Variants in ARID2 observed in about 807,000 individuals in gnomAD.
ARID2 encodes AT-rich interaction domain 2.
A neutral mutation model predicts 184.6 loss-of-function variants in ARID2; 32 were observed. The ratio of observed to expected loss-of-function variants is 0.17; its 90% confidence interval spans 0.13 to 0.23. The LOEUF (loss-of-function observed/expected upper bound fraction) is 0.23. Ranked by LOEUF, ARID2 falls within the 10% of genes least tolerant of loss-of-function variation. The pLI, the probability that ARID2 is intolerant of heterozygous loss-of-function variation, is 1.00. For synonymous variants in ARID2, 836 were observed against 772.6 expected (o/e 1.08, Z -1.36); for missense variants, 1,696 against 2,197.6 (o/e 0.77, Z 4.56).
At chr12:45,773,506 C>CT in intron 3 of ARID2, among the ~76,000 whole-genome samples, 1 of 151,724 alleles carries the variant, frequency 6.6e-6, no homozygotes, top group Non-Finnish European at 1.5e-5. Context: ...GCTAGATTGT[C>CT]TAAGAAAAAA....
At chr12:45,819,977 C>G (rs186340233) in intron 5 of ARID2, among the ~76,000 whole-genome samples, 1 of 152,062 alleles carries the variant, frequency 6.6e-6, no homozygotes, top group East Asian at 1.9e-4. Context: ...CTCCTGTCCT[C>G]AAGTGATCTG....
chr12:45,734,248 A>T (rs893913617), intron 3 of ARID2, among the ~76,000 whole-genome samples: 4 of 152,182 alleles, frequency 2.6e-5, no homozygotes, highest in African/African-American at 9.7e-5. Flanking sequence ...TCATGCCTGT[A>T]ATCCCAGCTA....
chr12:45,848,948 A>T lies in ARID2; in HGVS notation c.1693A>T (p.Thr565Ser). 1 of 1,612,060 alleles carries T rather than the reference A, an allele frequency of 6.2e-7. No individual in the cohort carries two copies. The change falls in exon 13 of 21, where the codon ACT becomes TCT. Residue 565 changes from threonine (T) to serine (S), a missense_variant. By Grantham distance (58) the Thr-to-Ser change is moderately conservative. Around this residue, in one of 11 missense-constraint regions of ARID2, gnomAD observed 713 missense variants for 824.4 expected, o/e 0.86. Coordinates refer to ENST00000334344, the MANE Select transcript of ARID2 (RefSeq NM_152641.4). ...KLARGGILTSTGFYKCLRTVF... is the reference protein window; with the variant it reads ...KLARGGILTSSGFYKCLRTVF... ...AGCTCGTGGTGGAATCCTAACATCA[A>T]CTGGATTTTATAAATGTCTTAGGTA... is the stretch of plus-strand genomic sequence containing the variant.
At chr12:45,749,046 G>C (rs2137991020) in intron 3 of ARID2, among the ~76,000 whole-genome samples, 1 of 152,292 alleles carries the variant, frequency 6.6e-6, no homozygotes. Context: ...TGTTCTCAAT[G>C]GCATCTAGAA....
At chr12:45,822,157 T>C (rs1340098572) in intron 6 of ARID2, among the ~76,000 whole-genome samples, 1 of 152,174 alleles carries the variant, frequency 6.6e-6, no homozygotes, top group Non-Finnish European at 1.5e-5. Flanking sequence ...TCTTCATTCT[T>C]GCTGCAACTT....
At chr12:45,881,815 G>T in intron 16 of ARID2, 1 of 223,086 alleles carries the variant, frequency 4.5e-6, no homozygotes, top group Non-Finnish European at 8.8e-6. Flanking sequence ...GGGTTCCTGT[G>T]CCCCTTTTTT....
intron 3 of ARID2, among the ~76,000 whole-genome samples, chr12:45,758,021 C>T (rs1941601146): frequency 6.6e-6 from 1 of 152,114 alleles, no homozygotes; most frequent in African/African-American, 2.4e-5. Context: ...TATGAATTCC[C>T]TGTGAAGACA....
chr12:45,770,197 G>A (rs1202990067), intron 3 of ARID2, among the ~76,000 whole-genome samples: 2 of 151,792 alleles, frequency 1.3e-5, no homozygotes, highest in Non-Finnish European at 2.9e-5. Flanking sequence ...AGATTGCAGT[G>A]AGCCGAGATC....
At position 45,902,461 on chromosome 12, in the gene ARID2, CTTT is replaced by C. The variant is rs1360697983; in HGVS notation, c.5364-2472_5364-2470del. 3.3e-5 allele frequency among the ~76,000 whole-genome samples: 5 copies of C among 151,482 alleles called. No individual in the cohort carries two copies. The East Asian group carries it at 9.6e-4, about 29-fold the overall frequency. On this transcript the variant is annotated intron_variant, in intron 20 of 20. Transcript: ENST00000334344. Reference sequence around the variant, plus strand: ...ACTTTTTGAAACTAAAGTCTTTTTTCTTTCTTTGTTAAAATATTCATTGATTGT... The same window carrying C: ...ACTTTTTGAAACTAAAGTCTTTTTTCCTTTGTTAAAATATTCATTGATTGT...
chr12:45,858,485 A>G (rs1943690360), intron 15 of ARID2, among the ~76,000 whole-genome samples: 1 of 152,176 alleles, frequency 6.6e-6, no homozygotes, highest in African/African-American at 2.4e-5. Context: ...AATGGTTTTC[A>G]GATTTATTTT....
Position 45,839,312 on chromosome 12 carries a change from C to CT in ARID2, c.1331-12dup, listed in dbSNP as rs771643370. ...TAATATTATTGACTAATAACTATTG[C>CT]TTTTTATTTATTTTAGACATGTTAG... On this transcript the variant is annotated splice_polypyrimidine_tract_variant and intron_variant, in intron 10 of 20. Transcript: ENST00000334344. 61 of 1,590,476 alleles carry CT rather than the reference C, an allele frequency of 3.8e-5. No individual in the cohort carries two copies. Among genetic ancestry groups the CT allele is most frequent in the Non-Finnish European group, 4.9e-5 (57 of 1,169,672 alleles).
At chr12:45,748,583 T>A (rs1238166142) in intron 3 of ARID2, among the ~76,000 whole-genome samples, 1 of 152,182 alleles carries the variant, frequency 6.6e-6, no homozygotes, top group Non-Finnish European at 1.5e-5. Context: ...TGAAGTTTGC[T>A]GCATCGATCA....
chr12:45,760,081 T>C (rs1941645605), intron 3 of ARID2, among the ~76,000 whole-genome samples: 1 of 152,206 alleles, frequency 6.6e-6, no homozygotes, highest in African/African-American at 2.4e-5. Flanking sequence ...AAGACATGAA[T>C]TTTGTCATTC....
chr12:45,831,111 TTG>T (rs1367721121), intron 6 of ARID2, among the ~76,000 whole-genome samples: 1 of 152,088 alleles, frequency 6.6e-6, no homozygotes, highest in Admixed American at 6.6e-5. Context: ...TTTCCTGCTG[TTG>T]TATGTGTTTT....
chr12:45,864,405 T>C (rs1943801064), intron 16 of ARID2, among the ~76,000 whole-genome samples: 2 of 152,182 alleles, frequency 1.3e-5, no homozygotes, highest in African/African-American at 2.4e-5. Context: ...TGTTTAGAGT[T>C]TGAATTGGAA....
In ARID2 at chr12:45,860,790, C is replaced by CT. The variant is rs775179028; in HGVS notation, c.4774-6dup. 2.6e-6 allele frequency: 4 copies of CT among 1,511,866 alleles called. No individual in the cohort carries two copies. Among genetic ancestry groups the CT allele is most frequent in the South Asian group, 2.9e-5 (2 of 69,192 alleles). 93.7% of individuals were successfully genotyped at this position (1,511,866 alleles called of 1,614,324 possible). ...TCATGTCACAAACTCTGCATTTGTT[C>CT]TTTTTCACAGAACACTCCTATGCCA... On this transcript the variant is annotated splice_polypyrimidine_tract_variant and intron_variant, in intron 15 of 20. Coordinates refer to ENST00000334344, the MANE Select transcript of ARID2 (RefSeq NM_152641.4).
rs1240309675 is a variant in ARID2, at chr12:45,731,268, A to C, written c.238A>C (p.Arg80=). Residue 80 remains arginine, a synonymous_variant, in exon 3 of 21, where the codon AGA becomes CGA. Transcript: ENST00000334344. ...AATTGTTGAAGAGTTCAACTTTCCC[A>C]GAAGTTGTTCTAACGCTGCCTTTGC... The part of the protein sequence containing the change: ...GEIVEEFNFP[R]SCSNAAFALK... The C allele has an allele frequency of 6.2e-7, 1 of 1,614,130 alleles. No homozygotes were observed. Among genetic ancestry groups the C allele is most frequent in the Admixed American group, 1.7e-5 (1 of 60,032 alleles).
intron 16 of ARID2, among the ~76,000 whole-genome samples, chr12:45,872,674 C>T (rs1359452803): frequency 2.0e-5 from 3 of 152,312 alleles, no homozygotes; most frequent in South Asian, 2.1e-4. Context: ...GCAGCACGGG[C>T]GTAACCGCAT....
chr12:45,838,790 T>C (rs1943270470), intron 10 of ARID2, among the ~76,000 whole-genome samples: 1 of 150,976 alleles, frequency 6.6e-6, no homozygotes, highest in African/African-American at 2.4e-5. Flanking sequence ...GATAGATAGA[T>C]AGATATAGAT....
Sources: gnomAD v4.1 joint callset for allele counts (sites outside exome capture counted in the v4.1 genomes callset) on GRCh38, gnomAD v4.1.1 for gene constraint, gnomAD v4.1.1 regional missense constraint, MANE v1.5 for transcripts, NCBI Gene and HGNC (gene_info 2026-07-23, HGNC 2026-07-21) for gene names.